The following NEB variants were observed in gnomAD, a reference collection of about 807,000 sequenced individuals.
NEB encodes nebulin.
NEB carries 512 observed loss-of-function variants against 952.2 expected under a neutral mutation model. That is an observed-to-expected ratio of 0.54 (90% CI 0.50 to 0.58). NEB has a LOEUF of 0.58. NEB is among the 20% of genes least tolerant of loss of function. The probability of loss-of-function intolerance (pLI) is 0.00; values close to 1 mark genes in which losing one functional copy is unlikely to be tolerated. For synonymous variants in NEB, 2,900 were observed against 3,149.8 expected (o/e 0.92, Z 2.66); for missense variants, 8,428 against 9,231.1 (o/e 0.91, Z 3.56).
chr2:151,718,583 G>A (rs1402726260), intron 9 of NEB, among the ~76,000 whole-genome samples: 1 of 152,120 alleles, frequency 6.6e-6, no homozygotes, highest in Admixed American at 6.6e-5. Context: ...ATTCATCCCT[G>A]CGTCTCCCAC....
intron 145 of NEB, 60 bp from the exon 146 acceptor site, chr2:151,529,374 A>G (rs1266643337): frequency 2.8e-6 from 3 of 1,081,748 alleles, no homozygotes; most frequent in East Asian, 4.8e-5. Context: ...TGAGCATCTT[A>G]AAAAACAAGA....
chr2:151,554,183 A>G (rs892638449), intron 125 of NEB, among the ~76,000 whole-genome samples, 158 bp from the exon 126 acceptor site: 1 of 152,184 alleles, frequency 6.6e-6, no homozygotes, highest in South Asian at 2.1e-4. Context: ...ACCAAGGGAA[A>G]TTTTTAAAAA....
rs779321695 is a variant in NEB, at chr2:151,492,387, C to A, written c.24873G>T (p.Thr8291=). 5 of 1,600,456 alleles carry A rather than the reference C, an allele frequency of 3.1e-6. No individual in the cohort carries two copies. The highest frequency in any genetic ancestry group is 4.3e-6 in the Non-Finnish European group (5 of 1,172,504). ...CAATCCTAAAGAATTCCTGACTCAC[C>A]GTTGAGATGTGCCGTTGGGTCTCCC... ...RVRETQRHIS[T]VKYHEDFEKH... is the part of the protein sequence containing the mutation. Residue 8291 remains threonine (T), a splice_region_variant and synonymous_variant, in exon 177 of 182, where the codon ACG becomes ACT. Coordinates refer to ENST00000397345, the MANE Select transcript of NEB (RefSeq NM_001164508.2).
chr2:151,721,575 G>A (rs922280977), intron 9 of NEB, among the ~76,000 whole-genome samples: 1 of 152,184 alleles, frequency 6.6e-6, no homozygotes, highest in Admixed American at 6.5e-5. Flanking sequence ...GTATTAGACT[G>A]TTGGGTTTTG....
intron 124 of NEB, among the ~76,000 whole-genome samples, chr2:151,559,099 AAAC>A (rs2095854529): frequency 2.2e-5 from 3 of 134,618 alleles, no homozygotes; most frequent in Non-Finnish European, 4.9e-5. Flanking sequence ...TACAAGAAAA[AAAC>A]AAACAACCCC....
Position 151,493,427 on chromosome 2 carries a change from T to C in NEB, c.24691A>G (p.Met8231Val). The C allele has an allele frequency of 6.2e-7, 1 of 1,604,942 alleles. No individual in the cohort carries two copies. Among genetic ancestry groups the C allele is most frequent in the East Asian group, 2.2e-5 (1 of 44,784 alleles). ...NFSSVLYKENMRKATPTPVTP... is the reference protein window; with the variant it reads ...NFSSVLYKENVRKATPTPVTP... ...ACAGGTGTCGGAGTTGCTTTTCTCA[T>C]GTTCTCTTTGTACAATACCTAGGGA... The change falls in exon 176 of 182, where the codon ATG becomes GTG. Residue 8231 changes from methionine to valine, a missense_variant. Met to Val is a conservative substitution (Grantham distance 21). Coordinates refer to ENST00000397345, the MANE Select transcript of NEB (RefSeq NM_001164508.2).
rs2098334069 is a variant in NEB at position 151,619,640 on chromosome 2, G to A, written c.10683C>T (p.Tyr3561=). The change falls in exon 73 of 182, where the codon TAC becomes TAT. Residue 3561 remains tyrosine, a synonymous_variant. Transcript: ENST00000397345. ...TCTTGTATTTCTCAAAATCTTTCTT[G>A]TACTCACGGTCACTCTGCACTTTGG... is the stretch of plus-strand genomic sequence containing the variant. ...HIAKVQSDRE[Y]KKDFEKYKTR... The A allele has an allele frequency of 1.1e-5, 17 of 1,613,810 alleles. No individual in the cohort carries two copies. The highest frequency in any genetic ancestry group is 1.4e-5 in the Non-Finnish European group (17 of 1,179,878).
Position 151,561,196 on chromosome 2 carries a change from AG to A in NEB, c.19101+11del, listed in dbSNP as rs1321096336. 1 of 1,597,746 alleles carries A rather than the reference AG, an allele frequency of 6.3e-7. No homozygotes were observed. Among genetic ancestry groups the A allele is most frequent in the Non-Finnish European group, 8.6e-7 (1 of 1,169,132 alleles). On this transcript the variant is annotated intron_variant, in intron 122 of 181. Coordinates refer to ENST00000397345, the MANE Select transcript of NEB (RefSeq NM_001164508.2). ...TAGTTTGTCCCTGGAAGAGGAGTACAGGAAGACGCACCTCACTGGCATTAAT... is the reference window on the plus strand; with the variant it reads ...TAGTTTGTCCCTGGAAGAGGAGTACAGAAGACGCACCTCACTGGCATTAAT...
chr2:151,536,917 G>A (rs2093303301), intron 141 of NEB, among the ~76,000 whole-genome samples: 1 of 152,118 alleles, frequency 6.6e-6, no homozygotes, highest in African/African-American at 2.4e-5. Flanking sequence ...GTTGAACAGA[G>A]TTGATTTTTC....
intron 173 of NEB, among the ~76,000 whole-genome samples, chr2:151,495,985 CAA>C (rs1340855035): frequency 3.3e-5 from 5 of 152,118 alleles, no homozygotes; most frequent in South Asian, 2.1e-4. Flanking sequence ...ATATCTAAAA[CAA>C]AGAGACCTTG....
At position 151,503,441 on chromosome 2, in the gene NEB, C is replaced by G; in HGVS notation, c.23743G>C (p.Val7915Leu). ...VKETQKHISS[V>L]MYKENLGTGI... is the part of the protein sequence containing the mutation. ...GTTCCCAAGTTTTCTTTGTACATAA[C>G]CTGTAGAAAATAATTAGAATACCCA... is the stretch of plus-strand genomic sequence containing the variant. The change falls in exon 166 of 182, where the codon GTT becomes CTT. Residue 7915 changes from valine (V) to leucine (L), a missense_variant and splice_region_variant. Coordinates refer to ENST00000397345, the MANE Select transcript of NEB (RefSeq NM_001164508.2). 1 of 1,595,566 alleles carries G rather than the reference C, an allele frequency of 6.3e-7. No individual in the cohort carries two copies. Among genetic ancestry groups the G allele is most frequent in the Non-Finnish European group, 8.6e-7 (1 of 1,163,534 alleles).
rs770062776 is a variant in NEB at position 151,674,457 on chromosome 2, C to T, written c.3987+20G>A. The stretch of plus-strand genomic sequence containing the variant: ...TTCAAAAAGGCAAACACCTAAACTT[C>T]ACCTAAAATTTGTACTCACATCACT... On this transcript the variant is annotated intron_variant, in intron 36 of 181. Transcript: ENST00000397345. 1.3e-6 allele frequency: 2 copies of T among 1,590,544 alleles called. No homozygotes were observed. Among genetic ancestry groups the T allele is most frequent in the South Asian group, 2.2e-5 (2 of 90,588 alleles).
At position 151,724,289 on chromosome 2, in the gene NEB, C is replaced by T; in HGVS notation, c.583G>A (p.Ala195Thr). 2.5e-6 allele frequency: 4 copies of T among 1,613,106 alleles called. No individual in the cohort carries two copies. Among genetic ancestry groups the T allele is most frequent in the Non-Finnish European group, 3.4e-6 (4 of 1,179,556 alleles). Residue 195 changes from alanine to threonine, a missense_variant, in exon 8 of 182, where the codon GCC becomes ACC. Ala to Thr is a moderately conservative substitution (Grantham distance 58). This residue lies in a region of NEB where 2,851 missense variants were observed against 2,791.5 expected (regional missense o/e 1.02). Coordinates refer to ENST00000397345, the MANE Select transcript of NEB (RefSeq NM_001164508.2). ...CTGAACATGGCGGTGTTCTTAACGG[C>T]CTGGACAAGTTCAGGGGCATCAGGA... ...LPPDAPELVQ[A>T]VKNTAMFSKK...
At chr2:151,692,961 G>T (rs1301853707) in intron 20 of NEB, among the ~76,000 whole-genome samples, 1 of 152,108 alleles carries the variant, frequency 6.6e-6, no homozygotes, top group African/African-American at 2.4e-5. Flanking sequence ...CAGAGCGAGA[G>T]CCTGTCTCAA....
intron 135 of NEB, 48 bp downstream of exon 135, chr2:151,545,840 T>G: frequency 8.5e-7 from 1 of 1,181,222 alleles, no homozygotes; most frequent in Non-Finnish European, 1.2e-6. Flanking sequence ...TAATTCAGTT[T>G]GTACTGGTCA....
At chr2:151,713,264 C>G (rs1466723819) in intron 10 of NEB, among the ~76,000 whole-genome samples, 1 of 152,174 alleles carries the variant, frequency 6.6e-6, no homozygotes, top group Admixed American at 6.5e-5. Context: ...GTTAATTACC[C>G]TTCTCTTTTT....
Position 151,640,471 on chromosome 2 carries a change from T to C in NEB, c.8569A>G (p.Lys2857Glu), listed in dbSNP as rs1560848309. 3.1e-6 allele frequency: 5 copies of C among 1,613,960 alleles called. No homozygotes were observed. The highest frequency in any genetic ancestry group is 2.7e-5 in the African/African-American group (2 of 75,018). ...VDMLGVVLAK[K>E]CQTLVSDVDY... ...ACATCGCTGACTAAGGTCTGGCACTTCTTGGCCAGCACCACCCCCAGCATG... is the reference window on the plus strand; with the variant it reads ...ACATCGCTGACTAAGGTCTGGCACTCCTTGGCCAGCACCACCCCCAGCATG... The change falls in exon 61 of 182, where the codon AAG becomes GAG. Residue 2857 changes from lysine (K) to glutamate (E), a missense_variant. By Grantham distance (56) the Lys-to-Glu change is moderately conservative. This residue lies in a region of NEB where 1,772 missense variants were observed against 1,960.3 expected (regional missense o/e 0.90). Coordinates refer to ENST00000397345, the MANE Select transcript of NEB (RefSeq NM_001164508.2).
Position 151,553,933 on chromosome 2 carries a change from C to A in NEB, c.19521G>T (p.Lys6507Asn), listed in dbSNP as rs1231908393. The A allele has an allele frequency of 6.2e-7, 1 of 1,613,920 alleles. No individual in the cohort carries two copies. Among genetic ancestry groups the A allele is most frequent in the Admixed American group, 1.7e-5 (1 of 60,012 alleles). The change falls in exon 126 of 182, where the codon AAG becomes AAT. Residue 6507 changes from lysine (K) to asparagine (N), a missense_variant. Transcript: ENST00000397345. The stretch of plus-strand genomic sequence containing the variant: ...GGCGGTAATCAATCTCACTGACTTT[C>A]TTCTGGGAATCCTTGGCAGTAACCA... ...VEMVTAKDSQKKVSEIDYRLR... is the reference protein window; with the variant it reads ...VEMVTAKDSQNKVSEIDYRLR...
intron 60 of NEB, among the ~76,000 whole-genome samples, chr2:151,641,820 T>C (rs1477103182): frequency 2.0e-5 from 3 of 152,212 alleles, no homozygotes; most frequent in African/African-American, 4.8e-5. Context: ...GAGCAAATCC[T>C]TTATTTATTA....
Sources: allele counts gnomAD v4.1 joint callset (sites outside exome capture counted in the v4.1 genomes callset), GRCh38; gene constraint gnomAD v4.1.1; regional missense constraint gnomAD v4.1.1; transcripts MANE v1.5; gene names NCBI Gene and HGNC (gene_info 2026-07-23, HGNC 2026-07-21).